The following KCNIP1 variants were observed in gnomAD, a reference collection of about 807,000 sequenced individuals.
KCNIP1 encodes the protein A-type potassium channel modulatory protein KCNIP1.
A neutral mutation model predicts 33.0 loss-of-function variants in KCNIP1; 18 were observed. That is an observed-to-expected ratio of 0.55 (90% CI 0.38 to 0.81). The LOEUF is 0.81. Ranked by LOEUF, KCNIP1 falls within the 30% of genes least tolerant of loss-of-function variation. KCNIP1 has a pLI of 0.00. For missense variants in KCNIP1, 238 were observed against 271.6 expected (o/e 0.88, Z 0.87); for synonymous variants, 93 against 98.3 (o/e 0.95, Z 0.32).
At chr5:170,668,195 G>A (rs1332012855) in intron 1 of KCNIP1, among the ~76,000 whole-genome samples, 1 of 152,234 alleles carries the variant, frequency 6.6e-6, no homozygotes, top group Non-Finnish European at 1.5e-5. Context: ...TGATGGGCAA[G>A]CCACAGGCAG....
At chr5:170,728,609 G>A (rs968084876) in intron 5 of KCNIP1, among the ~76,000 whole-genome samples, 8 of 151,964 alleles carry the variant, frequency 5.3e-5, no homozygotes, top group African/African-American at 1.9e-4. Context: ...AAGCACATGG[G>A]CATTTTTAAA....
intron 1 of KCNIP1, among the ~76,000 whole-genome samples, chr5:170,676,327 C>T (rs1352189774): frequency 6.6e-6 from 1 of 152,126 alleles, no homozygotes; most frequent in Non-Finnish European, 1.5e-5. Flanking sequence ...CACAAAAGGG[C>T]ACCAAGATAA....
intron 1 of KCNIP1, chr5:170,378,415 C>T: frequency 2.8e-6 from 1 of 354,384 alleles, no homozygotes; most frequent in Non-Finnish European, 5.1e-6. Context: ...CATAGTGATG[C>T]AGCCGGAAAC....
At chr5:170,507,431 C>T (rs185216329) in intron 1 of KCNIP1, among the ~76,000 whole-genome samples, 46 of 152,334 alleles carry the variant, frequency 3.0e-4, no homozygotes, top group African/African-American at 1.1e-3. Context: ...ATTTATGGCT[C>T]TATTGTTTGG....
intron 7 of KCNIP1, among the ~76,000 whole-genome samples, chr5:170,735,467 G>T (rs752551320): frequency 6.6e-6 from 1 of 152,092 alleles, no homozygotes; most frequent in Non-Finnish European, 1.5e-5. Flanking sequence ...AATAAAAAGA[G>T]AAAAAATATA....
chr5:170,483,718 G>A (rs1757025214), intron 1 of KCNIP1: 1 of 152,170 alleles, frequency 6.6e-6, no homozygotes, highest in African/African-American at 2.4e-5. Context: ...GGATAAAAAC[G>A]CAGCATCTGT....
chr5:170,728,733 CTAAT>C lies in KCNIP1; in HGVS notation c.436-4063_436-4060del, dbSNP rs200781022. Among the ~76,000 whole-genome samples, 705 of 151,928 alleles carry C rather than the reference CTAAT, an allele frequency of 4.6e-3. 4 individuals carry two copies. The highest frequency in any genetic ancestry group is 0.015 in the African/African-American group (624 of 41,450). The stretch of plus-strand genomic sequence containing the variant: ...ATATTATAATGACAGCAATTCTTCT[CTAAT>C]TAAATTTATTTTATTTTGAATCAAA... On this transcript the variant is annotated intron_variant, in intron 5 of 7. Transcript: ENST00000328939.
intron 1 of KCNIP1, among the ~76,000 whole-genome samples, chr5:170,641,797 C>A (rs1760573442): frequency 6.6e-6 from 1 of 152,214 alleles, no homozygotes; most frequent in Non-Finnish European, 1.5e-5. Flanking sequence ...CTGCTCCTGG[C>A]AGCTTCGAAT....
intron 1 of KCNIP1, among the ~76,000 whole-genome samples, chr5:170,530,571 T>C (rs756422442): frequency 2.7e-4 from 41 of 152,322 alleles, no homozygotes; most frequent in Non-Finnish European, 4.3e-4. Context: ...CTTGCCAACC[T>C]TGGGGCTCAA....
intron 1 of KCNIP1, among the ~76,000 whole-genome samples, chr5:170,541,203 C>T (rs1756194844): frequency 6.6e-6 from 1 of 152,282 alleles, no homozygotes; most frequent in East Asian, 1.9e-4. Context: ...CTCTGAGGTC[C>T]CTTCCATACA....
chr5:170,451,257 G>GT (rs1561632246), intron 1 of KCNIP1, among the ~76,000 whole-genome samples: 1 of 152,146 alleles, frequency 6.6e-6, no homozygotes, highest in Non-Finnish European at 1.5e-5. Flanking sequence ...GCTAATGGGA[G>GT]TAACTGTTTA....
At chr5:170,513,135 C>T (rs183491143) in intron 1 of KCNIP1, among the ~76,000 whole-genome samples, 2 of 152,116 alleles carry the variant, frequency 1.3e-5, no homozygotes, top group African/African-American at 4.8e-5. Flanking sequence ...TTTATATGCC[C>T]ACTGGAGTCT....
intron 1 of KCNIP1, among the ~76,000 whole-genome samples, chr5:170,529,027 C>G (rs1455656783): frequency 6.6e-6 from 1 of 152,166 alleles, no homozygotes; most frequent in Non-Finnish European, 1.5e-5. Flanking sequence ...TTAGTCAGAA[C>G]CTTTTCAGTT....
chr5:170,580,026 G>A (rs889651330), intron 1 of KCNIP1, among the ~76,000 whole-genome samples: 1 of 151,666 alleles, frequency 6.6e-6, no homozygotes, highest in Non-Finnish European at 1.5e-5. Context: ...GGTGCTTTCT[G>A]TCAGGCTAGG....
intron 1 of KCNIP1, among the ~76,000 whole-genome samples, chr5:170,472,520 C>T (rs935749165): frequency 6.6e-6 from 1 of 152,210 alleles, no homozygotes; most frequent in South Asian, 2.1e-4. Flanking sequence ...GATTTTGGTG[C>T]ACCCATCACC....
intron 1 of KCNIP1, among the ~76,000 whole-genome samples, chr5:170,558,383 A>C (rs1756914565): frequency 6.6e-6 from 1 of 152,238 alleles, no homozygotes; most frequent in Non-Finnish European, 1.5e-5. Context: ...AAAAGTAAAT[A>C]ATTTAAGAGA....
chr5:170,465,863 C>A (rs1426136268), intron 1 of KCNIP1, among the ~76,000 whole-genome samples: 1 of 152,142 alleles, frequency 6.6e-6, no homozygotes, highest in East Asian at 1.9e-4. Context: ...TCCATTCCTG[C>A]AACTGAAAGA....
intron 1 of KCNIP1, among the ~76,000 whole-genome samples, chr5:170,433,603 G>A (rs1385939458): frequency 6.6e-6 from 1 of 152,168 alleles, no homozygotes. Context: ...AGTAAATAGA[G>A]GAGATGCTCA....
intron 1 of KCNIP1, among the ~76,000 whole-genome samples, chr5:170,434,997 GCT>G (rs1755828457): frequency 6.6e-6 from 1 of 152,194 alleles, no homozygotes; most frequent in African/African-American, 2.4e-5. Context: ...GGAACGCCCA[GCT>G]CTCAGTCAGC....
Sources: allele counts gnomAD v4.1 joint callset (sites outside exome capture counted in the v4.1 genomes callset), GRCh38; gene constraint gnomAD v4.1.1; transcripts MANE v1.5; gene names NCBI Gene and HGNC (gene_info 2026-07-23, HGNC 2026-07-21).